Variants in FHIT observed in about 807,000 individuals in gnomAD.
FHIT encodes bis(5'-adenosyl)-triphosphatase.
A neutral mutation model predicts 17.9 loss-of-function variants in FHIT; 19 were observed. The observed-to-expected ratio is 1.06, with a 90% CI of 0.74 to 1.56. The LOEUF is 1.56. Among genes scored for constraint, FHIT ranks in the 40% most tolerant of loss-of-function variants. The pLI, the probability that FHIT is intolerant of heterozygous loss-of-function variation, is 0.00. For missense variants in FHIT, 248 were observed against 189.2 expected (o/e 1.31, Z -1.82); for synonymous variants, 81 against 69.7 (o/e 1.16, Z -0.81).
chr3:60,866,695 G>A (rs567469648), intron 3 of FHIT, among the ~76,000 whole-genome samples: 1 of 152,222 alleles, frequency 6.6e-6, no homozygotes, highest in African/African-American at 2.4e-5. Flanking sequence ...ACCTAACCCA[G>A]AGGGTTTTTC....
At chr3:61,199,307 C>T (rs1430975087) in intron 2 of FHIT, among the ~76,000 whole-genome samples, 1 of 152,200 alleles carries the variant, frequency 6.6e-6, no homozygotes, top group Non-Finnish European at 1.5e-5. Flanking sequence ...TACATCACCA[C>T]CAAATCCAAT....
intron 2 of FHIT, among the ~76,000 whole-genome samples, chr3:61,068,155 A>T (rs2034676511): frequency 6.6e-6 from 1 of 152,206 alleles, no homozygotes; most frequent in Non-Finnish European, 1.5e-5. Flanking sequence ...TGGGCTTAAA[A>T]CAACACAAAT....
intron 1 of FHIT, among the ~76,000 whole-genome samples, chr3:61,207,165 A>C (rs895485032): frequency 5.9e-5 from 9 of 152,228 alleles, no homozygotes; most frequent in Non-Finnish European, 1.2e-4. Context: ...CCCAGGGATG[A>C]AACCCACTTG....
chr3:60,901,874 T>C (rs1228134083), intron 3 of FHIT, among the ~76,000 whole-genome samples: 3 of 152,228 alleles, frequency 2.0e-5, no homozygotes, highest in Non-Finnish European at 2.9e-5. Flanking sequence ...CTACTGATCC[T>C]ATTCCATAAG....
chr3:61,026,155 C>T (rs2032719998), intron 3 of FHIT, among the ~76,000 whole-genome samples: 1 of 152,034 alleles, frequency 6.6e-6, no homozygotes. Flanking sequence ...AAGCCATCTC[C>T]CACCACTACG....
chr3:60,486,764 A>G (rs770016398), intron 5 of FHIT, among the ~76,000 whole-genome samples: 3 of 152,216 alleles, frequency 2.0e-5, no homozygotes, highest in East Asian at 3.8e-4. Context: ...TTATCTTTCA[A>G]CGGATATCCT....
chr3:59,938,053 A>T (rs1255591027), intron 7 of FHIT, among the ~76,000 whole-genome samples: 1 of 152,176 alleles, frequency 6.6e-6, no homozygotes, highest in Non-Finnish European at 1.5e-5. Context: ...ATGTGCTACA[A>T]GTCCATATTA....
At chr3:60,493,679 T>G (rs971419665) in intron 5 of FHIT, among the ~76,000 whole-genome samples, 3 of 152,194 alleles carry the variant, frequency 2.0e-5, no homozygotes, top group African/African-American at 4.8e-5. Context: ...TACTTTTGTT[T>G]TGACAACCCA....
chr3:60,964,646 A>C (rs1339877653), intron 3 of FHIT, among the ~76,000 whole-genome samples: 2 of 152,182 alleles, frequency 1.3e-5, no homozygotes, highest in African/African-American at 4.8e-5. Context: ...AAAGTCTCTC[A>C]GCATTTGCTT....
intron 2 of FHIT, among the ~76,000 whole-genome samples, chr3:61,083,789 T>C (rs1018888828): frequency 2.0e-5 from 3 of 152,326 alleles, no homozygotes; most frequent in East Asian, 1.9e-4. Context: ...TTCTTTCACT[T>C]TGCATGATGT....
At chr3:61,095,268 C>CAAAACCTCTTTTTATACAAG (rs1332151972) in intron 2 of FHIT, among the ~76,000 whole-genome samples, 6 of 152,292 alleles carry the variant, frequency 3.9e-5, no homozygotes, top group Admixed American at 1.3e-4. Flanking sequence ...AATCTGGTCA[C>CAAAACCTCTTTTTATACAAG]AAAACCTCTT....
chr3:60,506,313 G>A lies in FHIT; in HGVS notation c.103+30547C>T, dbSNP rs116753724. 5.0e-3 allele frequency among the ~76,000 whole-genome samples: 768 copies of A among 152,272 alleles called. 5 individuals carry two copies. The highest frequency in any genetic ancestry group is 6.1e-3 in the Non-Finnish European group (414 of 68,026). On this transcript the variant is annotated intron_variant, in intron 5 of 9. Coordinates refer to ENST00000492590, the MANE Select transcript of FHIT (RefSeq NM_002012.4). ...TATTCCATAGGATCTGTAGCAACAA[G>A]TATAAAGCTAATTTTGTAAACTGCA...
chr3:60,620,719 T>C (rs538025965), intron 4 of FHIT, among the ~76,000 whole-genome samples: 91 of 152,226 alleles, frequency 6.0e-4, no homozygotes, highest in Non-Finnish European at 1.0e-3. Flanking sequence ...CTGAATGATA[T>C]AACAGTGGTT....
intron 5 of FHIT, among the ~76,000 whole-genome samples, chr3:60,201,996 GTCT>G (rs1240763597): frequency 2.6e-5 from 4 of 152,266 alleles, no homozygotes; most frequent in African/African-American, 7.2e-5. Flanking sequence ...GCCCACATAT[GTCT>G]TCTTAGGATA....
At chr3:61,011,804 A>G (rs758737521) in intron 3 of FHIT, among the ~76,000 whole-genome samples, 8 of 152,162 alleles carry the variant, frequency 5.3e-5, no homozygotes, top group Admixed American at 2.6e-4. Flanking sequence ...AAAAAATACA[A>G]TGGCGATGGT....
chr3:59,788,881 G>GTTTTTTTTTTGTTTTGTTTT (rs545945821), intron 8 of FHIT, among the ~76,000 whole-genome samples: 1 of 86,804 alleles, frequency 1.2e-5, no homozygotes, highest in African/African-American at 4.6e-5. Flanking sequence ...GAGTTCATAT[G>GTTTTTTTTTTGTTTTGTTTT]TTTTTTTTTT....
intron 2 of FHIT, among the ~76,000 whole-genome samples, chr3:61,053,622 C>T (rs2034108491): frequency 6.6e-6 from 1 of 151,684 alleles, no homozygotes; most frequent in African/African-American, 2.4e-5. Context: ...CGTGCCATTG[C>T]ATTCCAGCAA....
intron 7 of FHIT, among the ~76,000 whole-genome samples, chr3:59,982,344 G>C (rs1708691556): frequency 6.6e-6 from 1 of 152,046 alleles, no homozygotes; most frequent in Non-Finnish European, 1.5e-5. Flanking sequence ...AAACTTTTGA[G>C]ATTCCAGTGT....
At chr3:60,574,332 C>T (rs968476212) in intron 4 of FHIT, among the ~76,000 whole-genome samples, 6 of 151,710 alleles carry the variant, frequency 4.0e-5, no homozygotes, top group Admixed American at 1.3e-4. Flanking sequence ...CACAAATTGT[C>T]CCCAGCATCC....
Sources: allele counts gnomAD v4.1 joint callset (sites outside exome capture counted in the v4.1 genomes callset), GRCh38; gene constraint gnomAD v4.1.1; transcripts MANE v1.5; gene names NCBI Gene and HGNC (gene_info 2026-07-23, HGNC 2026-07-21).